Variants in ZNF517 observed in about 807,000 individuals in gnomAD.
ZNF517 encodes the protein zinc finger protein 517.
A neutral mutation model predicts 12.1 loss-of-function variants in ZNF517; 12 were observed. That is an observed-to-expected ratio of 0.99 (90% CI 0.63 to 1.61). The LOEUF (loss-of-function observed/expected upper bound fraction) is 1.61. Ranked by LOEUF, ZNF517 falls within the 40% of genes most tolerant of loss-of-function variation. The pLI is 0.00. For synonymous variants in ZNF517, 388 were observed against 310.2 expected, an observed-to-expected ratio of 1.25 and a Z score of -2.63; for missense variants, 781 against 693.2, an observed-to-expected ratio of 1.13 and a Z score of -1.42.
chr8:144,804,050 G>A, intron 3 of ZNF517, 75 bp from the exon 4 acceptor site: 1 of 1,426,788 alleles, frequency 7.0e-7, no homozygotes, highest in South Asian at 1.3e-5. Context: ...GTGCCCTGAT[G>A]GCCTCCAGCC....
Position 144,803,748 on chromosome 8 carries a change from T to TGGGA in ZNF517, c.142_145dup (p.Asn49ArgfsTer34), listed in dbSNP as rs750753505. On this transcript the variant is annotated frameshift_variant, in exon 3 of 5. Transcript: ENST00000359971. LOFTEE classifies it high-confidence loss of function. ...ACAGGGACGTGATGCTGGAGAACTA[T>TGGGA]GGGAACCTGGCCTCACTAGGTGAGG... is the stretch of plus-strand genomic sequence containing the variant. 1 of 1,614,010 alleles carries TGGGA rather than the reference T, an allele frequency of 6.2e-7. No individual in the cohort carries two copies. Among genetic ancestry groups the TGGGA allele is most frequent in the Non-Finnish European group, 8.5e-7 (1 of 1,179,970 alleles).
Position 144,807,242 on chromosome 8 carries a change from C to T in ZNF517, c.326C>T (p.Ser109Phe), listed in dbSNP as rs2130449730. 1 of 1,549,092 alleles carries T rather than the reference C, an allele frequency of 6.5e-7. No homozygotes were observed. The highest frequency in any genetic ancestry group is 2.3e-5 in the East Asian group (1 of 44,406). Residue 109 changes from serine to phenylalanine, a missense_variant, in exon 5 of 5, where the codon TCC becomes TTC. Coordinates refer to ENST00000359971, the MANE Select transcript of ZNF517 (RefSeq NM_213605.3). ...IMESPLQRKL[S>F]RQAGLPGTVW... ...GAGTCTCCTCTGCAGAGAAAGCTCT[C>T]CAGGCAGGCAGGACTGCCGGGCACC... is the stretch of plus-strand genomic sequence containing the variant.
At chr8:144,800,128 G>T (rs960858378) in intron 1 of ZNF517, among the ~76,000 whole-genome samples, 2 of 151,848 alleles carry the variant, frequency 1.3e-5, no homozygotes, top group Non-Finnish European at 1.5e-5. Context: ...ATGGAAGGAG[G>T]TGACCCCTCC....
At chr8:144,806,602 A>G (rs1435833625) in intron 4 of ZNF517, among the ~76,000 whole-genome samples, 7 of 151,946 alleles carry the variant, frequency 4.6e-5, no homozygotes, top group Non-Finnish European at 1.0e-4. Context: ...CTCCTGCCTC[A>G]GCCTCCTGAG....
At chr8:144,799,343 C>T (rs1416295731) in intron 1 of ZNF517, among the ~76,000 whole-genome samples, 2 of 152,230 alleles carry the variant, frequency 1.3e-5, no homozygotes, top group African/African-American at 2.4e-5. Flanking sequence ...CGTTCATTTA[C>T]CCTGCGCAGT....
chr8:144,802,698 G>A (rs1453055045), intron 1 of ZNF517, 172 bp from the exon 2 acceptor site: 2 of 937,046 alleles, frequency 2.1e-6, no homozygotes, highest in African/African-American at 1.8e-5. Context: ...AGGAGTGGGT[G>A]TTCCCATGGA....
Position 144,800,556 on chromosome 8 carries a change from G to T in ZNF517, c.-46+1619G>T, listed in dbSNP as rs1826906585. ...CAGCCTCATACCCTGAGATACTCTG[G>T]TTGCCTTGTTGGGGTGAGGACAACA... On this transcript the variant is annotated intron_variant, in intron 1 of 4. Coordinates refer to ENST00000359971, the MANE Select transcript of ZNF517 (RefSeq NM_213605.3). 3 of 985,206 alleles carry T rather than the reference G, an allele frequency of 3.0e-6. No individual in the cohort carries two copies. In the Admixed American group the frequency reaches 1.8e-4, roughly 61 times the overall value. The allele number at this position is 985,206 out of a possible 1,614,324, so 61.0% of individuals were successfully genotyped here. A position where few individuals can be genotyped will look rare whatever the true frequency, so the allele number is the denominator to read the frequency against.
rs187840432 is a variant in ZNF517 at position 144,806,547 on chromosome 8, C to T, written c.275-644C>T. ...TCGCCCAGGCTGGAGTGCAGTGGTG[C>T]GGTCTTGGCTCACTGCAACCTCCGC... On this transcript the variant is annotated intron_variant, in intron 4 of 4. Coordinates refer to ENST00000359971, the MANE Select transcript of ZNF517 (RefSeq NM_213605.3). 6.6e-4 allele frequency among the ~76,000 whole-genome samples: 100 copies of T among 152,154 alleles called. No homozygotes were observed. The East Asian group carries it at 7.3e-3, about 11-fold the overall frequency.
intron 4 of ZNF517, among the ~76,000 whole-genome samples, chr8:144,806,333 GTAC>G (rs1282338708): frequency 1.3e-5 from 2 of 152,170 alleles, no homozygotes; most frequent in African/African-American, 2.4e-5. Flanking sequence ...GTGGGGTGAG[GTAC>G]AACTTGCACC....
rs1001676720 is a variant in ZNF517, at chr8:144,800,678, TC to T, written c.-46+1743del. On this transcript the variant is annotated intron_variant, in intron 1 of 4. Transcript: ENST00000359971. Reference sequence around the variant, plus strand: ...GGTGGGGGTGGTGTGGCCCTGCTCTTCCATGCGTTTGCAGTCTGTGCCCTCT... The same window carrying T: ...GGTGGGGGTGGTGTGGCCCTGCTCTTCATGCGTTTGCAGTCTGTGCCCTCT... 3.0e-6 allele frequency: 3 copies of T among 985,264 alleles called. No individual in the cohort carries two copies. In the African/African-American group the frequency reaches 5.2e-5, roughly 17 times the overall value. 61.0% of individuals were successfully genotyped at this position (985,264 alleles called of 1,614,324 possible). A position where few individuals can be genotyped will look rare whatever the true frequency, so the allele number is the denominator to read the frequency against.
intron 1 of ZNF517, among the ~76,000 whole-genome samples, chr8:144,799,863 C>T (rs1193052545): frequency 6.6e-6 from 1 of 152,220 alleles, no homozygotes; most frequent in Admixed American, 6.5e-5. Flanking sequence ...TGGCGTGAAC[C>T]CGGGAGGCGG....
intron 1 of ZNF517, among the ~76,000 whole-genome samples, chr8:144,800,190 G>A (rs960029403): frequency 1.3e-5 from 2 of 151,980 alleles, no homozygotes; most frequent in African/African-American, 4.8e-5. Context: ...TTTCTTGGTG[G>A]TCCTTCATCT....
intron 4 of ZNF517, among the ~76,000 whole-genome samples, chr8:144,806,596 T>C (rs1273361117): frequency 6.6e-6 from 1 of 152,094 alleles, no homozygotes; most frequent in East Asian, 1.9e-4. Flanking sequence ...GCGATTCTCC[T>C]GCCTCAGCCT....
At chr8:144,800,493 G>A in intron 1 of ZNF517, 1 of 985,294 alleles carries the variant, frequency 1.0e-6, no homozygotes, top group Non-Finnish European at 1.2e-6. Flanking sequence ...AGAGTGGAGG[G>A]TGGTATGTGT....
chr8:144,808,513 A>G lies in ZNF517; in HGVS notation c.*118A>G. On this transcript the variant is annotated 3_prime_UTR_variant, in exon 5 of 5. Coordinates refer to ENST00000359971, the MANE Select transcript of ZNF517 (RefSeq NM_213605.3). ...TGAAGCAAAGTCTAAAGAAAGGGCC[A>G]GCTCCCATCAGGAGCTCGGCTTCTT... 2.3e-6 allele frequency: 3 copies of G among 1,309,234 alleles called. No homozygotes were observed. Among genetic ancestry groups the G allele is most frequent in the Non-Finnish European group, 2.9e-6 (3 of 1,022,462 alleles). 81.1% of individuals were successfully genotyped at this position (1,309,234 alleles called of 1,614,324 possible).
Position 144,809,821 on chromosome 8 carries a change from G to A in ZNF517, c.*1426G>A. The stretch of plus-strand genomic sequence containing the variant: ...AATCTCAGCATTTTGGGAGGCAGAG[G>A]TAGGTGGATCACCTGAGGTCAGGAG... On this transcript the variant is annotated 3_prime_UTR_variant, in exon 5 of 5. Transcript: ENST00000359971. 1 of 209,034 alleles carries A rather than the reference G, an allele frequency of 4.8e-6. No homozygotes were observed. Among genetic ancestry groups the A allele is most frequent in the African/African-American group, 2.3e-5 (1 of 43,870 alleles). The allele number at this position is 209,034 out of a possible 1,614,324, so 12.9% of individuals were successfully genotyped here.
At chr8:144,800,893 G>A (rs759432503) in intron 1 of ZNF517, among the ~76,000 whole-genome samples, 26 of 152,064 alleles carry the variant, frequency 1.7e-4, no homozygotes, top group African/African-American at 6.0e-4. Context: ...GGAGTGCAGC[G>A]GGGCACACTT....
At position 144,808,245 on chromosome 8, in the gene ZNF517, CCGGCTCCACAG is replaced by C. The variant is rs1377642006; in HGVS notation, c.1334_1344del (p.Leu445ArgfsTer75). ...GGAGCTACACGCTGAACGAGCACTA[CCGGCTCCACAG>C]CGGCGAGAGGCCATACCGGTGCCGC... is the stretch of plus-strand genomic sequence containing the variant. On this transcript the variant is annotated frameshift_variant, in exon 5 of 5. Coordinates refer to ENST00000359971, the MANE Select transcript of ZNF517 (RefSeq NM_213605.3). LOFTEE classifies it low-confidence loss of function (END_TRUNC). The C allele has an allele frequency of 1.9e-6, 3 of 1,599,424 alleles. No homozygotes were observed. The Admixed American group carries it at 5.1e-5, about 27-fold the overall frequency.
intron 4 of ZNF517, among the ~76,000 whole-genome samples, chr8:144,805,987 T>G (rs2130443566): frequency 6.6e-6 from 1 of 151,404 alleles, no homozygotes; most frequent in South Asian, 2.1e-4. Flanking sequence ...ACTATTCATA[T>G]ATCATCATAT....
Sources: gnomAD v4.1 joint callset for allele counts (sites outside exome capture counted in the v4.1 genomes callset) on GRCh38, gnomAD v4.1.1 for gene constraint, MANE v1.5 for transcripts, NCBI Gene and HGNC (gene_info 2026-07-23, HGNC 2026-07-21) for gene names.